RAPGEF2: variants seen among roughly 807,000 people sequenced by gnomAD.
RAPGEF2 encodes the protein PDZ domain containing guanine nucleotide exchange factor (GEF) 1.
A neutral mutation model predicts 186.7 loss-of-function variants in RAPGEF2; 54 were observed. The observed-to-expected ratio is 0.29, with a 90% CI of 0.23 to 0.36. RAPGEF2 has a LOEUF of 0.36. Ranked by LOEUF, RAPGEF2 falls within the 10% of genes least tolerant of loss-of-function variation. The pLI is 1.00. For missense variants in RAPGEF2, 1,532 were observed against 2,045.0 expected, an observed-to-expected ratio of 0.75 and a Z score of 4.84; for synonymous variants, 712 against 705.9, an observed-to-expected ratio of 1.01 and a Z score of -0.14.
chr4:159,147,891 G>A (rs1243475506), intron 1 of RAPGEF2, among the ~76,000 whole-genome samples: 1 of 152,196 alleles, frequency 6.6e-6, no homozygotes, highest in African/African-American at 2.4e-5. Context: ...GAAAAGCAAA[G>A]AAAGAGTTTT....
chr4:159,104,975 G>A (rs1288490953), intron 1 of RAPGEF2, among the ~76,000 whole-genome samples: 1 of 152,218 alleles, frequency 6.6e-6, no homozygotes, highest in Admixed American at 6.5e-5. Flanking sequence ...GCACCCTGCG[G>A]ATTCTTTTGG....
chr4:159,128,853 T>G (rs1740667001), intron 1 of RAPGEF2: 5 of 145,934 alleles, frequency 3.4e-5, no homozygotes, highest in Admixed American at 3.4e-4. Context: ...CAGACATACA[T>G]ACATACATAT....
At chr4:159,253,398 A>G (rs571110305) in intron 7 of RAPGEF2, among the ~76,000 whole-genome samples, 23 of 152,338 alleles carry the variant, frequency 1.5e-4, no homozygotes, top group Non-Finnish European at 2.2e-4. Context: ...ATTTTGGCGC[A>G]TTATACAATA....
chr4:159,195,546 G>A (rs1748548985), intron 3 of RAPGEF2, among the ~76,000 whole-genome samples: 1 of 152,112 alleles, frequency 6.6e-6, no homozygotes, highest in Non-Finnish European at 1.5e-5. Context: ...TATCCCAGCT[G>A]GACAAACTGA....
intron 1 of RAPGEF2, among the ~76,000 whole-genome samples, chr4:159,149,205 CT>C (rs1335132969): frequency 6.6e-6 from 1 of 152,198 alleles, no homozygotes; most frequent in African/African-American, 2.4e-5. Flanking sequence ...AAAACTGGCA[CT>C]TAAAACTATT....
chr4:159,294,631 A>C (rs1008152704), intron 7 of RAPGEF2, among the ~76,000 whole-genome samples: 20 of 85,698 alleles, frequency 2.3e-4, no homozygotes, highest in Non-Finnish European at 4.7e-4. Flanking sequence ...TTGAGCTTCC[A>C]TTTCTTCCTT....
chr4:159,300,191 C>G (rs908247771), intron 7 of RAPGEF2, among the ~76,000 whole-genome samples: 1 of 148,732 alleles, frequency 6.7e-6, no homozygotes, highest in African/African-American at 2.5e-5. Flanking sequence ...TATGCATAAA[C>G]CTAAAATTAA....
chr4:159,342,543 T>G (rs186241653), intron 20 of RAPGEF2, among the ~76,000 whole-genome samples: 8 of 108,108 alleles, frequency 7.4e-5, no homozygotes, highest in African/African-American at 3.1e-4. Context: ...TTTATTTTAT[T>G]TTATTTTATA....
At chr4:159,217,567 C>T (rs1561097700) in intron 4 of RAPGEF2, among the ~76,000 whole-genome samples, 1 of 152,154 alleles carries the variant, frequency 6.6e-6, no homozygotes, top group Non-Finnish European at 1.5e-5. Context: ...CAGATGGGCA[C>T]CTGGGTTGAT....
intron 1 of RAPGEF2, among the ~76,000 whole-genome samples, chr4:159,149,322 G>T (rs1029160537): frequency 6.6e-6 from 1 of 152,082 alleles, no homozygotes; most frequent in Non-Finnish European, 1.5e-5. Flanking sequence ...GTGCAGTGGC[G>T]TGATCTTGGC....
intron 4 of RAPGEF2, among the ~76,000 whole-genome samples, chr4:159,214,438 T>G (rs1750817030): frequency 6.6e-6 from 1 of 152,192 alleles, no homozygotes; most frequent in Non-Finnish European, 1.5e-5. Flanking sequence ...AGAAATGGTT[T>G]TCTAATGTAC....
chr4:159,116,247 AC>A (rs1393063746), intron 1 of RAPGEF2, among the ~76,000 whole-genome samples: 1 of 152,222 alleles, frequency 6.6e-6, no homozygotes, highest in Non-Finnish European at 1.5e-5. Context: ...GAAGAAAAAA[AC>A]AATCCCTTCA....
chr4:159,325,192 A>G (rs78511828), intron 11 of RAPGEF2, among the ~76,000 whole-genome samples: 2 of 152,162 alleles, frequency 1.3e-5, no homozygotes, highest in African/African-American at 4.8e-5. Flanking sequence ...GAAAAAAAAA[A>G]TAAGGCTATG....
chr4:159,140,568 G>A (rs1027975068), intron 1 of RAPGEF2, among the ~76,000 whole-genome samples: 3 of 152,150 alleles, frequency 2.0e-5, no homozygotes, highest in Admixed American at 6.5e-5. Flanking sequence ...CATGGGCTGC[G>A]AAAATAGAGA....
chr4:159,206,589 C>G (rs1002703946), intron 3 of RAPGEF2, among the ~76,000 whole-genome samples: 1 of 152,024 alleles, frequency 6.6e-6, no homozygotes, highest in Admixed American at 6.6e-5. Flanking sequence ...ATGTAAAAAC[C>G]CTCCAGTGAC....
Position 159,164,304 on chromosome 4 carries a change from G to GT in RAPGEF2, c.70-22323dup, listed in dbSNP as rs10717642. On this transcript the variant is annotated intron_variant, in intron 1 of 29. Transcript: ENST00000691494. Reference sequence around the variant, plus strand: ...CAGGCGTGAGCCACTGCACCCGGCTGTTTTTTTTTTTTTTTCCTTCTTCTT... The same window carrying GT: ...CAGGCGTGAGCCACTGCACCCGGCTGTTTTTTTTTTTTTTTTCCTTCTTCTT... 5.1e-3 allele frequency among the ~76,000 whole-genome samples: 722 copies of GT among 141,982 alleles called. 7 individuals are homozygous for GT. Among genetic ancestry groups the GT allele is most frequent in the Non-Finnish European group, 3.8e-3 (248 of 65,244 alleles). The allele number at this position is 141,982 out of a possible 152,430, so 93.1% of individuals were successfully genotyped here. A position where few individuals can be genotyped will look rare whatever the true frequency, so the allele number is the denominator to read the frequency against.
Position 159,241,379 on chromosome 4 carries a change from C to T in RAPGEF2, c.525+11C>T. 2 of 1,372,308 alleles carry T rather than the reference C, an allele frequency of 1.5e-6. No homozygotes were observed. The highest frequency in any genetic ancestry group is 1.9e-5 in the South Asian group (1 of 53,316). 85.0% of individuals were successfully genotyped at this position (1,372,308 alleles called of 1,614,324 possible). On this transcript the variant is annotated intron_variant, in intron 6 of 29. Transcript: ENST00000691494. ...AGAGGCTATCACACGGTAAGTTATA[C>T]AAGTATAATATTTTTATTTATTTCT...
Position 159,273,686 on chromosome 4 carries a change from CTTTCTTTCTTT to C in RAPGEF2, c.543+29896_543+29906del, listed in dbSNP as rs1561189083. On this transcript the variant is annotated intron_variant, in intron 7 of 29. Transcript: ENST00000691494. ...TCTTTCTTTCTTTCTTTCTTTCTTTCTTTCTTTCTTTCTTTCTCAATTTAAATATTATATAA... is the reference window on the plus strand; with the variant it reads ...TCTTTCTTTCTTTCTTTCTTTCTTTCCTTTCTCAATTTAAATATTATATAA... Among the ~76,000 whole-genome samples the C allele has an allele frequency of 4.2e-5, 6 of 141,852 alleles. No individual in the cohort carries two copies. In the East Asian group the frequency reaches 1.2e-3, roughly 29 times the overall value. The allele number at this position is 141,852 out of a possible 152,430, so 93.1% of individuals were successfully genotyped here. A position where few individuals can be genotyped will look rare whatever the true frequency, so the allele number is the denominator to read the frequency against.
rs1431188560 is a variant in RAPGEF2 at position 159,359,232 on chromosome 4, A to G, written c.*1093A>G. On this transcript the variant is annotated 3_prime_UTR_variant, in exon 30 of 30. Transcript: ENST00000691494. ...AGCTTGGGATGTTGGAGCTAATGCC[A>G]GCTGTTTATACTGCTCTTTCAAGAC... 6.6e-6 allele frequency: 1 copy of G among 152,208 alleles called. No homozygotes were observed. The highest frequency in any genetic ancestry group is 6.5e-5 in the Admixed American group (1 of 15,276). The allele number at this position is 152,208 out of a possible 1,614,324, so 9.4% of individuals were successfully genotyped here. A position where few individuals can be genotyped will look rare whatever the true frequency, so the allele number is the denominator to read the frequency against.
Sources: allele counts gnomAD v4.1 joint callset (sites outside exome capture counted in the v4.1 genomes callset), GRCh38; gene constraint gnomAD v4.1.1; transcripts MANE v1.5; gene names NCBI Gene and HGNC (gene_info 2026-07-23, HGNC 2026-07-21).